GOT1: variants seen among roughly 807,000 people sequenced by gnomAD.
The protein encoded by GOT1 is glutamic-oxaloacetic transaminase 1, also known as aspartate aminotransferase, cytoplasmic.
A neutral mutation model predicts 48.2 loss-of-function variants in GOT1; 25 were observed. The ratio of observed to expected loss-of-function variants is 0.52; its 90% CI spans 0.38 to 0.72. The LOEUF is 0.72. Among genes scored for constraint, GOT1 ranks in the 30% least tolerant of loss-of-function variants. The pLI, the probability that GOT1 is intolerant of heterozygous loss-of-function variation, is 0.00. For missense variants in GOT1, 380 were observed against 520.1 expected, an observed-to-expected ratio of 0.73 and a Z score of 2.62; for synonymous variants, 188 against 193.8, an observed-to-expected ratio of 0.97 and a Z score of 0.25.
intron 1 of GOT1, 68 bp downstream of exon 1, chr10:99,430,380 C>T (rs2033102211): frequency 6.2e-7 from 1 of 1,606,752 alleles, no homozygotes; most frequent in African/African-American, 1.3e-5. Context: ...CTCCCACAGT[C>T]TCCACGACCT....
At position 99,406,710 on chromosome 10, in the gene GOT1, C is replaced by A. The variant is rs373019703; in HGVS notation, c.424+16G>T. ...CTGGTTTCTGTTTTTCCTCTCACTT[C>A]AGCTGAAAGACTCACCCCAGGTTGG... is the stretch of plus-strand genomic sequence containing the variant. On this transcript the variant is annotated intron_variant, in intron 3 of 8. Coordinates refer to ENST00000370508, the MANE Select transcript of GOT1 (RefSeq NM_002079.3). 1.7e-5 allele frequency: 28 copies of A among 1,610,440 alleles called. No homozygotes were observed. Among genetic ancestry groups the A allele is most frequent in the Non-Finnish European group, 8.5e-7 (1 of 1,176,962 alleles).
intron 6 of GOT1, 27 bp downstream of exon 6, chr10:99,403,697 G>A: frequency 6.2e-7 from 1 of 1,613,988 alleles, no homozygotes; most frequent in Non-Finnish European, 8.5e-7. Flanking sequence ...AGGAGGTGGG[G>A]CTGTAACTCC....
intron 1 of GOT1, among the ~76,000 whole-genome samples, chr10:99,426,288 G>A (rs1046074835): frequency 1.3e-5 from 2 of 152,000 alleles, no homozygotes; most frequent in Non-Finnish European, 2.9e-5. Flanking sequence ...TCTACAGGTG[G>A]GCCCAGCAGT....
chr10:99,405,356 AATATG>A (rs1371521890), intron 5 of GOT1, among the ~76,000 whole-genome samples: 1 of 152,232 alleles, frequency 6.6e-6, no homozygotes, highest in East Asian at 1.9e-4. Flanking sequence ...CCCCATCCCT[AATATG>A]ACATATCCAT....
At chr10:99,417,492 C>G (rs578009028) in intron 2 of GOT1, among the ~76,000 whole-genome samples, 7 of 152,320 alleles carry the variant, frequency 4.6e-5, no homozygotes, top group African/African-American at 1.7e-4. Context: ...GGACTGTAAA[C>G]TAGTTCAACC....
chr10:99,413,330 A>G (rs2032851740), intron 2 of GOT1, among the ~76,000 whole-genome samples: 1 of 152,252 alleles, frequency 6.6e-6, no homozygotes, highest in Non-Finnish European at 1.5e-5. Context: ...AACTGGAAGA[A>G]AGGGTATCAG....
chr10:99,410,376 G>A (rs974187410), intron 2 of GOT1, among the ~76,000 whole-genome samples: 4 of 152,170 alleles, frequency 2.6e-5, no homozygotes, highest in African/African-American at 7.2e-5. Context: ...CTGGAAACAC[G>A]ATAGATGCAT....
chr10:99,412,825 C>T (rs964416113), intron 2 of GOT1, among the ~76,000 whole-genome samples: 2 of 152,164 alleles, frequency 1.3e-5, no homozygotes, highest in Admixed American at 1.3e-4. Flanking sequence ...TGCTGATACC[C>T]AGGCAAACAA....
chr10:99,403,916 G>C (rs779261893), intron 5 of GOT1, 42 bp from the exon 6 acceptor site: 1 of 1,605,790 alleles, frequency 6.2e-7, no homozygotes, highest in Non-Finnish European at 8.5e-7. Context: ...AATCCTTCTG[G>C]CACCAACCTC....
Position 99,402,615 on chromosome 10 carries a change from T to A in GOT1, c.1067A>T (p.Asp356Val). ...AGTGAAGCTGAACATGCCAATTTGATCAGTGATGTGGTTCCAGGTCCCAGG... is the reference window on the plus strand; with the variant it reads ...AGTGAAGCTGAACATGCCAATTTGAACAGTGATGTGGTTCCAGGTCCCAGG... ...KTPGTWNHIT[D>V]QIGMFSFTGL... Residue 356 changes from aspartate (D) to valine (V), a missense_variant, in exon 8 of 9, where the codon GAT becomes GTT. Transcript: ENST00000370508. The A allele has an allele frequency of 8.7e-6, 14 of 1,614,194 alleles. No homozygotes were observed. Among genetic ancestry groups the A allele is most frequent in the Non-Finnish European group, 1.2e-5 (14 of 1,180,038 alleles).
In GOT1 at chr10:99,402,544, T is replaced by G. The variant is rs766800302; in HGVS notation, c.1102+36A>C. ...CTGAAAGGAATGTTGTGTGTCTACA[T>G]GCACGCATGGGCTGGAGGTGGTGGG... On this transcript the variant is annotated intron_variant, in intron 8 of 8. Coordinates refer to ENST00000370508, the MANE Select transcript of GOT1 (RefSeq NM_002079.3). 6 of 1,611,338 alleles carry G rather than the reference T, an allele frequency of 3.7e-6. No individual in the cohort carries two copies. In the Admixed American group the frequency reaches 5.0e-5, roughly 13 times the overall value.
At position 99,397,662 on chromosome 10, in the gene GOT1, T is replaced by C; in HGVS notation, c.1127A>G (p.Asn376Ser). Residue 376 changes from asparagine to serine, a missense_variant, in exon 9 of 9, where the codon AAT becomes AGT. Coordinates refer to ENST00000370508, the MANE Select transcript of GOT1 (RefSeq NM_002079.3). The surrounding 1 kb of genome is among the most constrained non-coding windows in gnomAD (Gnocchi z 5.4). ...TGGCAGCAGGTAGATGTGCTTTTCA[T>C]TGACCAGATACTCAACCTGCTTGGC... ...LNPKQVEYLVNEKHIYLLPSG... is the reference protein window; with the variant it reads ...LNPKQVEYLVSEKHIYLLPSG... 6.2e-7 allele frequency: 1 copy of C among 1,614,160 alleles called. No homozygotes were observed. The highest frequency in any genetic ancestry group is 8.5e-7 in the Non-Finnish European group (1 of 1,179,992).
intron 2 of GOT1, 86 bp downstream of exon 2, chr10:99,420,538 C>G (rs572789018): frequency 9.9e-7 from 1 of 1,009,230 alleles, no homozygotes; most frequent in Non-Finnish European, 1.5e-6. Flanking sequence ...ATAGACATAA[C>G]GCCTAATATT....
Position 99,403,755 on chromosome 10 carries a change from G to A in GOT1, c.762C>T (p.Ala254=). ...GCCCGAAGTTCTTGGAGAAGGACTG[G>A]GCACAGAAGAACTCGAAGCCTTCAG... The part of the protein sequence containing the change: ...FVSEGFEFFC[A]QSFSKNFGLY... Residue 254 remains alanine (A), a synonymous_variant, in exon 6 of 9, where the codon GCC becomes GCT. Transcript: ENST00000370508. 2 of 1,614,200 alleles carry A rather than the reference G, an allele frequency of 1.2e-6. No individual in the cohort carries two copies. The highest frequency in any genetic ancestry group is 1.7e-6 in the Non-Finnish European group (2 of 1,180,032).
chr10:99,427,703 G>C (rs986206450), intron 1 of GOT1, among the ~76,000 whole-genome samples: 4 of 152,130 alleles, frequency 2.6e-5, no homozygotes, highest in Non-Finnish European at 5.9e-5. Context: ...CCTGTACCTA[G>C]GTCTCCTGGC....
In GOT1 at chr10:99,422,223, T is replaced by C. The variant is rs114294262; in HGVS notation, c.119-1418A>G. Among the ~76,000 whole-genome samples the C allele has an allele frequency of 7.8e-3, 1,192 of 152,336 alleles. 17 individuals carry two copies. Among genetic ancestry groups the C allele is most frequent in the African/African-American group, 0.027 (1,142 of 41,584 alleles). On this transcript the variant is annotated intron_variant, in intron 1 of 8. Transcript: ENST00000370508. ...CTTTGCTCTCTCTCCTGCTGGGCCA[T>C]GTGAAGGTGCTTGCTTGCGCTTCAC...
chr10:99,403,124 A>C (rs75254248), intron 7 of GOT1, among the ~76,000 whole-genome samples: 10,343 of 152,258 alleles, frequency 0.068, 429 homozygotes, highest in Middle Eastern at 0.11. Context: ...ACAGATAAAA[A>C]CCAAGAGCTC....
rs2032619019 is a variant in GOT1, at chr10:99,397,686, G to A, written c.1103C>T (p.Pro368Leu). ...IGMFSFTGLN[P>L]KQVEYLVNEK... is the part of the protein sequence containing the mutation. ...ATTGACCAGATACTCAACCTGCTTG[G>A]CTGTTGAAAACCAAAAGAAGACATA... The change falls in exon 9 of 9, where the codon CCC becomes CTC. Residue 368 changes from proline (P) to leucine (L), a missense_variant and splice_region_variant. Pro to Leu is a moderately conservative substitution (Grantham distance 98). Coordinates refer to ENST00000370508, the MANE Select transcript of GOT1 (RefSeq NM_002079.3). The surrounding 1 kb of genome is among the most constrained non-coding windows in gnomAD (Gnocchi z 5.4). 1.9e-6 allele frequency: 3 copies of A among 1,613,854 alleles called. No homozygotes were observed. Among genetic ancestry groups the A allele is most frequent in the Admixed American group, 1.7e-5 (1 of 59,992 alleles).
intron 2 of GOT1, among the ~76,000 whole-genome samples, chr10:99,417,070 T>A (rs1476359501): frequency 2.0e-5 from 3 of 152,136 alleles, no homozygotes; most frequent in Non-Finnish European, 4.4e-5. Flanking sequence ...AAAGCCAAAA[T>A]TGACAAATGG....
Sources: gnomAD v4.1 joint callset for allele counts (sites outside exome capture counted in the v4.1 genomes callset) on GRCh38, gnomAD v4.1.1 for gene constraint, Gnocchi (gnomAD v3.1) non-coding constraint, MANE v1.5 for transcripts, NCBI Gene and HGNC (gene_info 2026-07-23, HGNC 2026-07-21) for gene names.